Variants in CREB5 observed in about 807,000 individuals in gnomAD.
CREB5 encodes the protein cyclic AMP-responsive element-binding protein 5.
A neutral mutation model predicts 57.1 loss-of-function variants in CREB5; 19 were observed. That is an observed-to-expected ratio of 0.33 (90% CI 0.23 to 0.49). The LOEUF is 0.49. CREB5 is among the 20% of genes least tolerant of loss of function. The pLI is 0.99. For missense variants in CREB5, 579 were observed against 671.6 expected (o/e 0.86, Z 1.52); for synonymous variants, 238 against 238.3 (o/e 1.00, Z 0.01).
chr7:28,377,821 A>G (rs1186853681), intron 1 of CREB5, among the ~76,000 whole-genome samples: 1 of 151,146 alleles, frequency 6.6e-6, no homozygotes, highest in African/African-American at 2.4e-5. Context: ...AGTCCCAGCT[A>G]CTCGGGAGGC....
intron 4 of CREB5, among the ~76,000 whole-genome samples, chr7:28,564,232 C>T (rs1184982964): frequency 1.3e-5 from 2 of 152,160 alleles, no homozygotes; most frequent in Non-Finnish European, 2.9e-5. Flanking sequence ...GTTAAGATGA[C>T]CCTGGCTCTT....
At chr7:28,737,561 A>ATG (rs1562606537) in intron 7 of CREB5, among the ~76,000 whole-genome samples, 3 of 131,786 alleles carry the variant, frequency 2.3e-5, no homozygotes, top group African/African-American at 8.6e-5. Flanking sequence ...ATATATATAT[A>ATG]TATATATATA....
intron 1 of CREB5, among the ~76,000 whole-genome samples, chr7:28,323,566 G>T (rs1785528012): frequency 6.6e-6 from 1 of 151,678 alleles, no homozygotes; most frequent in Admixed American, 6.6e-5. Context: ...CCACTTTTCG[G>T]CTCCTGAACT....
chr7:28,323,383 C>A (rs74362313), intron 1 of CREB5, among the ~76,000 whole-genome samples: 2 of 152,252 alleles, frequency 1.3e-5, no homozygotes, highest in Middle Eastern at 6.8e-3. Flanking sequence ...TCCCTTCCTC[C>A]GTGTTCCTAT....
chr7:28,589,159 C>T (rs1210487926), intron 5 of CREB5, among the ~76,000 whole-genome samples: 1 of 152,200 alleles, frequency 6.6e-6, no homozygotes, highest in East Asian at 1.9e-4. Flanking sequence ...TATAGCTGTA[C>T]ATCTATCCAT....
intron 4 of CREB5, among the ~76,000 whole-genome samples, chr7:28,560,861 TGTGCCTGCGTGCGC>T (rs1795113300): frequency 4.4e-5 from 2 of 45,862 alleles, no homozygotes; most frequent in Admixed American, 1.9e-4. Context: ...TGTGTGTGCG[TGTGCCTGCGTGCGC>T]GTGCGTGCGT....
At chr7:28,541,896 A>G (rs1794225415) in intron 4 of CREB5, among the ~76,000 whole-genome samples, 1 of 152,192 alleles carries the variant, frequency 6.6e-6, no homozygotes, top group African/African-American at 2.4e-5. Flanking sequence ...TGCTCAATTC[A>G]AAGGTTAGGG....
At chr7:28,682,893 C>T (rs970677372) in intron 5 of CREB5, among the ~76,000 whole-genome samples, 9 of 152,220 alleles carry the variant, frequency 5.9e-5, no homozygotes, top group African/African-American at 1.9e-4. Flanking sequence ...ATTCTGAACT[C>T]TGAGCTCAAA....
intron 5 of CREB5, among the ~76,000 whole-genome samples, chr7:28,714,011 T>G (rs1420684094): frequency 6.6e-6 from 1 of 152,130 alleles, no homozygotes; most frequent in Admixed American, 6.5e-5. Context: ...ATGCCCAGGT[T>G]CCCAGGTTCC....
chr7:28,366,265 T>A (rs983619833), intron 1 of CREB5, among the ~76,000 whole-genome samples: 2 of 152,296 alleles, frequency 1.3e-5, no homozygotes, highest in South Asian at 2.1e-4. Flanking sequence ...ATTTAGTTAT[T>A]ATTGTAGTTA....
At chr7:28,530,386 C>T (rs184040048) in intron 4 of CREB5, among the ~76,000 whole-genome samples, 2 of 152,280 alleles carry the variant, frequency 1.3e-5, no homozygotes, top group African/African-American at 2.4e-5. Flanking sequence ...GGACCCTAGT[C>T]GAGCTGCTCA....
At chr7:28,685,814 C>A (rs1268710754) in intron 5 of CREB5, among the ~76,000 whole-genome samples, 1 of 152,044 alleles carries the variant, frequency 6.6e-6, no homozygotes, top group Non-Finnish European at 1.5e-5. Context: ...CTTTGTTTAC[C>A]CGTTTCTAAG....
At chr7:28,452,629 G>A (rs1396325269) in intron 1 of CREB5, among the ~76,000 whole-genome samples, 2 of 152,182 alleles carry the variant, frequency 1.3e-5, no homozygotes, top group Admixed American at 6.5e-5. Flanking sequence ...AGACCTGCAG[G>A]AGCAGGGGAG....
intron 1 of CREB5, among the ~76,000 whole-genome samples, chr7:28,341,033 G>C (rs902329673): frequency 6.6e-6 from 1 of 152,172 alleles, no homozygotes; most frequent in African/African-American, 2.4e-5. Flanking sequence ...ATTGAAGACT[G>C]TATTTCTTAC....
chr7:28,300,942 C>A (rs1785089026), intron 1 of CREB5, among the ~76,000 whole-genome samples: 1 of 152,166 alleles, frequency 6.6e-6, no homozygotes. Flanking sequence ...GACTCAGAGA[C>A]TGGGTTTGGG....
At chr7:28,658,959 A>ATATATATATATATATATATATATGTG (rs1799458693) in intron 5 of CREB5, among the ~76,000 whole-genome samples, 1 of 129,564 alleles carries the variant, frequency 7.7e-6, no homozygotes, top group African/African-American at 3.1e-5. Context: ...GTGTGTATAT[A>ATATATATATATATATATATATATGTG]TATATATATA....
At chr7:28,539,040 A>G (rs1794095215) in intron 4 of CREB5, among the ~76,000 whole-genome samples, 2 of 152,198 alleles carry the variant, frequency 1.3e-5, no homozygotes, top group South Asian at 4.1e-4. Flanking sequence ...ATTTTACTTT[A>G]ATAGTTCGAC....
At chr7:28,451,484 GTGTGTGTGTT>G (rs745696886) in intron 1 of CREB5, among the ~76,000 whole-genome samples, 2 of 122,024 alleles carry the variant, frequency 1.6e-5, no homozygotes, top group Non-Finnish European at 3.5e-5. Flanking sequence ...GTGTGTGTGT[GTGTGTGTGTT>G]TGTCTATATC....
intron 1 of CREB5, among the ~76,000 whole-genome samples, chr7:28,437,501 C>T (rs1384665398): frequency 2.0e-5 from 3 of 152,146 alleles, no homozygotes; most frequent in South Asian, 2.1e-4. Flanking sequence ...TTCCTTCTAT[C>T]ATCTTCTACC....
Sources: gnomAD v4.1 joint callset for allele counts (sites outside exome capture counted in the v4.1 genomes callset) on GRCh38, gnomAD v4.1.1 for gene constraint, MANE v1.5 for transcripts, NCBI Gene and HGNC (gene_info 2026-07-23, HGNC 2026-07-21) for gene names.